Variants in NCF4 observed in about 807,000 individuals in gnomAD.
NCF4 encodes neutrophil cytosolic factor 4.
Under a neutral mutation model 41.7 loss-of-function variants are expected in NCF4, and 30 were observed. The observed-to-expected ratio is 0.72, with a 90% CI of 0.54 to 0.97. NCF4 has a LOEUF of 0.97. Ranked by LOEUF, NCF4 falls within the 50% of genes least tolerant of loss-of-function variation. The probability of loss-of-function intolerance (pLI) is 0.00; values close to 1 mark genes in which losing one functional copy is unlikely to be tolerated. For missense variants in NCF4, 432 were observed against 460.9 expected (o/e 0.94, Z 0.57); for synonymous variants, 195 against 175.8 (o/e 1.11, Z -0.87).
intron 6 of NCF4, among the ~76,000 whole-genome samples, chr22:36,871,972 C>A (rs986031680): frequency 6.6e-6 from 1 of 152,260 alleles, no homozygotes; most frequent in Non-Finnish European, 1.5e-5. Context: ...TTACCTGGGC[C>A]TCCTCTGAGT....
chr22:36,871,597 A>C (rs952096668), intron 5 of NCF4, 55 bp from the exon 6 acceptor site: 2 of 1,538,464 alleles, frequency 1.3e-6, no homozygotes, highest in South Asian at 1.2e-5. Flanking sequence ...CAGGAGCAGG[A>C]AGCTGGGCCC....
intron 2 of NCF4, 31 bp from the exon 3 acceptor site, chr22:36,864,888 G>C (rs775884343): frequency 1.2e-6 from 2 of 1,613,310 alleles, no homozygotes; most frequent in African/African-American, 1.3e-5. Flanking sequence ...CCTGGCCCCT[G>C]AGCCCTCCCC....
At chr22:36,875,530 C>G (rs1940171834) in intron 7 of NCF4, 123 bp from the exon 8 acceptor site, 3 of 877,422 alleles carry the variant, frequency 3.4e-6, no homozygotes, top group African/African-American at 3.3e-5. Flanking sequence ...CCTCCTCCCT[C>G]TACAGAAGAA....
At chr22:36,861,739 C>G (rs1412084708) in intron 1 of NCF4, among the ~76,000 whole-genome samples, 1 of 152,056 alleles carries the variant, frequency 6.6e-6, no homozygotes, top group African/African-American at 2.4e-5. Flanking sequence ...ATTATTTTTT[C>G]TTGAACGTTG....
At chr22:36,861,629 C>T (rs572782088) in intron 1 of NCF4, among the ~76,000 whole-genome samples, 4 of 152,356 alleles carry the variant, frequency 2.6e-5, no homozygotes, top group Non-Finnish European at 4.4e-5. Context: ...CTCCAAGAAG[C>T]CTTCCTGACA....
rs1403853911 is a variant in NCF4 at position 36,861,147 on chromosome 22, C to G, written c.-25C>G. On this transcript the variant is annotated 5_prime_UTR_variant, in exon 1 of 10. Coordinates refer to ENST00000248899, the MANE Select transcript of NCF4 (RefSeq NM_000631.5). ...GGACTGGCTGGGCGAGACTCTCCAC[C>G]TGCTCCCTGGGACCATCGCCCACCA... 1 of 1,551,454 alleles carries G rather than the reference C, an allele frequency of 6.4e-7. No individual in the cohort carries two copies. The highest frequency in any genetic ancestry group is 1.2e-5 in the South Asian group (1 of 84,054).
rs1248017342 is a variant in NCF4, at chr22:36,872,394, T to C, written c.596T>C (p.Leu199Pro). ...LNFKAGDVIFLLSRINKDWLE... is the reference protein window; with the variant it reads ...LNFKAGDVIFPLSRINKDWLE... ...TTCAAAGCTGGAGATGTGATCTTCC[T>C]CCTCAGTCGGATCAACAAAGACTGG... Residue 199 changes from leucine to proline, a missense_variant, in exon 7 of 10, where the codon CTC becomes CCC. Physicochemically the swap from Leu to Pro is moderately conservative, Grantham distance 98. Coordinates refer to ENST00000248899, the MANE Select transcript of NCF4 (RefSeq NM_000631.5). The C allele has an allele frequency of 1.9e-6, 3 of 1,613,312 alleles. No individual in the cohort carries two copies. The highest frequency in any genetic ancestry group is 1.7e-6 in the Non-Finnish European group (2 of 1,179,196).
Position 36,861,168 on chromosome 22 carries a change from C to T in NCF4, c.-4C>T. On this transcript the variant is annotated 5_prime_UTR_variant, in exon 1 of 10. Transcript: ENST00000248899. ...CCACCTGCTCCCTGGGACCATCGCC[C>T]ACCATGGCTGTGGCCCAGCAGCTGC... 1 of 1,551,506 alleles carries T rather than the reference C, an allele frequency of 6.4e-7. No individual in the cohort carries two copies. The highest frequency in any genetic ancestry group is 8.7e-7 in the Non-Finnish European group (1 of 1,146,830).
At chr22:36,862,430 C>G (rs1939796253) in intron 1 of NCF4, among the ~76,000 whole-genome samples, 1 of 152,214 alleles carries the variant, frequency 6.6e-6, no homozygotes, top group African/African-American at 2.4e-5. Flanking sequence ...CTCACATGCT[C>G]CTGGGGGACC....
Position 36,864,039 on chromosome 22 carries a change from G to A in NCF4, c.33-6G>A, listed in dbSNP as rs200865261. The stretch of plus-strand genomic sequence containing the variant: ...AGCAGGATCTCTTTTCCCCTCCTTC[G>A]CACAGTGACTTTGAACAGCTTCCGG... On this transcript the variant is annotated splice_region_variant and splice_polypyrimidine_tract_variant and intron_variant, in intron 1 of 9. Coordinates refer to ENST00000248899, the MANE Select transcript of NCF4 (RefSeq NM_000631.5). 8.4e-5 allele frequency: 135 copies of A among 1,613,628 alleles called. 1 individual carries two copies. Among genetic ancestry groups the A allele is most frequent in the East Asian group, 6.2e-4 (28 of 44,884 alleles).
chr22:36,870,305 T>G, intron 4 of NCF4, 110 bp from the exon 5 acceptor site: 1 of 1,448,024 alleles, frequency 6.9e-7, no homozygotes, highest in Non-Finnish European at 9.6e-7. Context: ...CATCATGCAT[T>G]AGTAAAGAGA....
intron 1 of NCF4, among the ~76,000 whole-genome samples, chr22:36,862,833 C>G (rs1442266171): frequency 6.6e-6 from 1 of 152,188 alleles, no homozygotes; most frequent in East Asian, 1.9e-4. Flanking sequence ...AAGTTCGGTT[C>G]CAACAGACAT....
intron 9 of NCF4, among the ~76,000 whole-genome samples, chr22:36,877,077 G>A (rs1940208918): frequency 6.6e-6 from 1 of 151,696 alleles, no homozygotes; most frequent in Non-Finnish European, 1.5e-5. Context: ...TAATCCTTTA[G>A]CACATTTATA....
chr22:36,872,879 G>A (rs1940103383), intron 7 of NCF4, among the ~76,000 whole-genome samples: 1 of 146,736 alleles, frequency 6.8e-6, no homozygotes, highest in Non-Finnish European at 1.5e-5. Context: ...AGTAAGGTTG[G>A]AGGTGAGGAT....
intron 5 of NCF4, among the ~76,000 whole-genome samples, chr22:36,870,918 C>T (rs1940040718): frequency 6.6e-6 from 1 of 152,176 alleles, no homozygotes; most frequent in Admixed American, 6.5e-5. Context: ...ATGCCTTCTC[C>T]CTGGTGTGTT....
At chr22:36,867,259 G>T in intron 3 of NCF4, 133 bp from the exon 4 acceptor site, 1 of 916,110 alleles carries the variant, frequency 1.1e-6, no homozygotes, top group Non-Finnish European at 1.8e-6. Flanking sequence ...TCAGTGCTGT[G>T]AAAAGATAAC....
chr22:36,862,168 A>G, intron 1 of NCF4, among the ~76,000 whole-genome samples: 1 of 152,164 alleles, frequency 6.6e-6, no homozygotes, highest in East Asian at 1.9e-4. Flanking sequence ...CTGGATTGGA[A>G]CAGCAGGTGA....
chr22:36,870,638 G>T, intron 5 of NCF4, 96 bp downstream of exon 5: 1 of 1,502,276 alleles, frequency 6.7e-7, no homozygotes, highest in Non-Finnish European at 9.1e-7. Context: ...GGAAAATACA[G>T]ATCAGCCATA....
intron 4 of NCF4, among the ~76,000 whole-genome samples, chr22:36,868,282 C>T (rs1939974623): frequency 6.6e-6 from 1 of 152,256 alleles, no homozygotes; most frequent in South Asian, 2.1e-4. Context: ...AGTCTTGACT[C>T]TGACACTGAC....
Sources: gnomAD v4.1 joint callset for allele counts (sites outside exome capture counted in the v4.1 genomes callset) on GRCh38, gnomAD v4.1.1 for gene constraint, MANE v1.5 for transcripts, NCBI Gene and HGNC (gene_info 2026-07-23, HGNC 2026-07-21) for gene names.